Variants in MYO5B observed in about 807,000 individuals in gnomAD.
MYO5B encodes the protein myosin VB.
A neutral mutation model predicts 229.3 loss-of-function variants in MYO5B; 143 were observed. The observed-to-expected ratio is 0.62, with a 90% CI of 0.54 to 0.72. The LOEUF (loss-of-function observed/expected upper bound fraction) is 0.72. MYO5B is among the 30% of genes least tolerant of loss of function. MYO5B has a pLI of 0.00. For missense variants in MYO5B, 2,321 were observed against 2,331.0 expected, an observed-to-expected ratio of 1.00 and a Z score of 0.09; for synonymous variants, 918 against 885.2, an observed-to-expected ratio of 1.04 and a Z score of -0.66.
intron 14 of MYO5B, among the ~76,000 whole-genome samples, chr18:49,946,605 T>C (rs1240791132): frequency 2.0e-5 from 3 of 152,198 alleles, no homozygotes; most frequent in Non-Finnish European, 4.4e-5. Context: ...ACTTTGTAAC[T>C]TAAGAACAGA....
At chr18:49,972,398 G>A (rs957850630) in intron 10 of MYO5B, among the ~76,000 whole-genome samples, 1 of 152,154 alleles carries the variant, frequency 6.6e-6, no homozygotes, top group Non-Finnish European at 1.5e-5. Context: ...TCACAGGGAA[G>A]GAGAAAGCAG....
chr18:50,154,865 T>G (rs1319670826), intron 1 of MYO5B, among the ~76,000 whole-genome samples: 2 of 152,210 alleles, frequency 1.3e-5, no homozygotes, highest in African/African-American at 4.8e-5. Context: ...CAAGGCAGTT[T>G]TGCTGGAGTC....
At chr18:49,880,500 GA>G in intron 22 of MYO5B, 45 bp from the exon 23 acceptor site, 1 of 1,451,362 alleles carries the variant, frequency 6.9e-7, no homozygotes, top group Non-Finnish European at 9.7e-7. Context: ...ATGCTGGGAA[GA>G]GGAGAGGCTC....
chr18:49,940,582 C>G (rs2025303079), intron 14 of MYO5B, among the ~76,000 whole-genome samples: 1 of 152,200 alleles, frequency 6.6e-6, no homozygotes, highest in African/African-American at 2.4e-5. Context: ...AGGTCACGTC[C>G]AAGGAGAAAC....
chr18:50,145,379 C>T (rs1370972691), intron 1 of MYO5B, among the ~76,000 whole-genome samples: 5 of 151,452 alleles, frequency 3.3e-5, no homozygotes, highest in East Asian at 1.9e-4. Flanking sequence ...CCCAGCTACT[C>T]GGGAGGCTGA....
At position 49,891,057 on chromosome 18, in the gene MYO5B, G is replaced by A. The variant is rs115214590; in HGVS notation, c.3045+3884C>T. Reference sequence around the variant, plus strand: ...TCTGGAGGTTTCATGGGTCAAGGCCGCGCTTGAAGTCAGAAGATCCTTCCT... The same window carrying A: ...TCTGGAGGTTTCATGGGTCAAGGCCACGCTTGAAGTCAGAAGATCCTTCCT... On this transcript the variant is annotated intron_variant, in intron 22 of 39. Coordinates refer to ENST00000285039, the MANE Select transcript of MYO5B (RefSeq NM_001080467.3). Among the ~76,000 whole-genome samples the A allele has an allele frequency of 3.2e-3, 485 of 152,226 alleles. 5 individuals are homozygous for A. Among genetic ancestry groups the A allele is most frequent in the African/African-American group, 9.7e-3 (404 of 41,534 alleles).
At chr18:50,148,888 C>G (rs1308189310) in intron 1 of MYO5B, among the ~76,000 whole-genome samples, 8 of 152,204 alleles carry the variant, frequency 5.3e-5, no homozygotes, top group Non-Finnish European at 1.2e-4. Flanking sequence ...AAGAGGAAGT[C>G]AAATTGTCCC....
At chr18:50,052,376 T>TA (rs1486991717) in intron 2 of MYO5B, among the ~76,000 whole-genome samples, 4 of 147,122 alleles carry the variant, frequency 2.7e-5, no homozygotes, top group Admixed American at 6.8e-5. Flanking sequence ...TATGCAGCCA[T>TA]AAAAAATGAT....
chr18:50,016,395 G>A (rs999285426), intron 4 of MYO5B, among the ~76,000 whole-genome samples: 2 of 152,138 alleles, frequency 1.3e-5, no homozygotes, highest in Non-Finnish European at 2.9e-5. Flanking sequence ...TAAAAAGGTA[G>A]ATTTATTTCC....
chr18:49,912,904 A>C (rs144207617), intron 17 of MYO5B, among the ~76,000 whole-genome samples: 31 of 152,376 alleles, frequency 2.0e-4, no homozygotes, highest in Admixed American at 1.8e-3. Context: ...TTCTTATAGA[A>C]TACTGCTCAT....
chr18:50,016,511 A>G (rs1025905660), intron 4 of MYO5B, among the ~76,000 whole-genome samples: 17 of 152,174 alleles, frequency 1.1e-4, no homozygotes, highest in Non-Finnish European at 2.1e-4. Flanking sequence ...TATTATTCAC[A>G]CCTACCTCTG....
chr18:49,991,030 G>A (rs1046203954), intron 6 of MYO5B, among the ~76,000 whole-genome samples: 1 of 152,056 alleles, frequency 6.6e-6, no homozygotes, highest in African/African-American at 2.4e-5. Context: ...ACACCGGTGG[G>A]GTGGGTGTGG....
intron 10 of MYO5B, among the ~76,000 whole-genome samples, chr18:49,966,578 A>G (rs1187861004): frequency 6.6e-6 from 1 of 152,230 alleles, no homozygotes; most frequent in Non-Finnish European, 1.5e-5. Flanking sequence ...GGGAGATAAA[A>G]GAGCCACCCC....
At chr18:49,996,579 T>C (rs2025990028) in intron 5 of MYO5B, among the ~76,000 whole-genome samples, 1 of 152,236 alleles carries the variant, frequency 6.6e-6, no homozygotes, top group South Asian at 2.1e-4. Context: ...CTACTTATGG[T>C]ATAACAATCT....
chr18:49,991,461 T>C (rs953427931), intron 6 of MYO5B, among the ~76,000 whole-genome samples: 1 of 152,094 alleles, frequency 6.6e-6, no homozygotes, highest in Non-Finnish European at 1.5e-5. Context: ...GGAGGAGGAC[T>C]TCTATCGGCG....
intron 17 of MYO5B, among the ~76,000 whole-genome samples, chr18:49,914,117 G>C (rs2024986941): frequency 6.6e-6 from 1 of 152,154 alleles, no homozygotes; most frequent in African/African-American, 2.4e-5. Flanking sequence ...GCACTGAGCT[G>C]GTTAACACTT....
chr18:50,077,242 T>C (rs1363651543), intron 1 of MYO5B, among the ~76,000 whole-genome samples: 1 of 151,946 alleles, frequency 6.6e-6, no homozygotes, highest in Non-Finnish European at 1.5e-5. Flanking sequence ...CTTTCACTAT[T>C]TTTTCTAGTT....
intron 32 of MYO5B, among the ~76,000 whole-genome samples, chr18:49,847,685 G>A (rs2024147801): frequency 6.6e-6 from 1 of 152,274 alleles, no homozygotes; most frequent in Non-Finnish European, 1.5e-5. Flanking sequence ...AAGGAAAGGA[G>A]ATACCGTTTT....
chr18:50,169,360 G>A (rs1269862331), intron 1 of MYO5B, among the ~76,000 whole-genome samples: 2 of 127,134 alleles, frequency 1.6e-5, no homozygotes, highest in African/African-American at 6.0e-5. Flanking sequence ...ATTTAATCAA[G>A]TCCCTCCTGA....
Sources: gnomAD v4.1 joint callset for allele counts (sites outside exome capture counted in the v4.1 genomes callset) on GRCh38, gnomAD v4.1.1 for gene constraint, MANE v1.5 for transcripts, NCBI Gene and HGNC (gene_info 2026-07-23, HGNC 2026-07-21) for gene names.